Variants in RXFP1 observed in about 807,000 individuals in gnomAD.
RXFP1 encodes relaxin receptor 1.
A neutral mutation model predicts 89.8 loss-of-function variants in RXFP1; 73 were observed. That is an observed-to-expected ratio of 0.81 (90% CI 0.67 to 0.99). The LOEUF is 0.99. Ranked by LOEUF, RXFP1 falls within the 50% of genes least tolerant of loss-of-function variation. RXFP1 has a pLI of 0.00. For missense variants in RXFP1, 793 were observed against 895.5 expected (o/e 0.89, Z 1.46); for synonymous variants, 277 against 305.5 (o/e 0.91, Z 0.97).
At chr4:158,577,428 C>A (rs565817772) in intron 2 of RXFP1, among the ~76,000 whole-genome samples, 31 of 152,196 alleles carry the variant, frequency 2.0e-4, no homozygotes, top group African/African-American at 7.2e-4. Flanking sequence ...AATATGTAAA[C>A]CTCATGCATA....
Position 158,596,020 on chromosome 4 carries a change from T to G in RXFP1, c.286+2521T>G, listed in dbSNP as rs980350382. ...AAAAAAAATTAAAACTTAGCTGTGCTACTCAGGAGCCCAGGAGATTGAAGC... is the reference window on the plus strand; with the variant it reads ...AAAAAAAATTAAAACTTAGCTGTGCGACTCAGGAGCCCAGGAGATTGAAGC... On this transcript the variant is annotated intron_variant, in intron 3 of 17. Transcript: ENST00000307765. 4.6e-5 allele frequency among the ~76,000 whole-genome samples: 7 copies of G among 151,480 alleles called. No homozygotes were observed. In the East Asian group the frequency reaches 9.7e-4, roughly 21 times the overall value.
intron 4 of RXFP1, among the ~76,000 whole-genome samples, chr4:158,603,125 G>C (rs1248142074): frequency 3.3e-5 from 5 of 151,860 alleles, no homozygotes; most frequent in African/African-American, 1.2e-4. Context: ...AGAGATGGCG[G>C]TGGGGGGGCA....
chr4:158,556,580 A>G (rs1261683442), intron 1 of RXFP1, among the ~76,000 whole-genome samples: 1 of 152,208 alleles, frequency 6.6e-6, no homozygotes, highest in African/African-American at 2.4e-5. Flanking sequence ...CAAAGGAAAT[A>G]AAATCAGTAT....
intron 1 of RXFP1, among the ~76,000 whole-genome samples, chr4:158,547,769 T>A (rs913564644): frequency 6.6e-6 from 1 of 152,202 alleles, no homozygotes; most frequent in Non-Finnish European, 1.5e-5. Context: ...TTTGAGTGAG[T>A]TTCTTAGTCC....
rs1455663615 is a variant in RXFP1 at position 158,545,882 on chromosome 4, G to A, written c.49+23857G>A. Reference sequence around the variant, plus strand: ...GTAGTATAGTTTGAAGTCAGGTAGCGTGATGCCTCCAGCTTTGTTCTTTTG... The same window carrying A: ...GTAGTATAGTTTGAAGTCAGGTAGCATGATGCCTCCAGCTTTGTTCTTTTG... On this transcript the variant is annotated intron_variant, in intron 1 of 17. Transcript: ENST00000307765. Among the ~76,000 whole-genome samples the A allele has an allele frequency of 3.4e-4, 51 of 152,152 alleles. 1 individual carries two copies. The highest frequency in any genetic ancestry group is 3.4e-3 in the Middle Eastern group (1 of 294).
chr4:158,550,482 CT>C (rs1273378866), intron 1 of RXFP1, among the ~76,000 whole-genome samples: 6 of 152,214 alleles, frequency 3.9e-5, no homozygotes, highest in South Asian at 2.1e-4. Flanking sequence ...CTGGCACTCC[CT>C]AGTGAGATGA....
chr4:158,611,609 C>G (rs1185698074), intron 6 of RXFP1, among the ~76,000 whole-genome samples: 1 of 152,192 alleles, frequency 6.6e-6, no homozygotes, highest in Non-Finnish European at 1.5e-5. Context: ...CTGTTCTTTG[C>G]TTTGTGAATT....
At chr4:158,524,250 T>A (rs1054777428) in intron 1 of RXFP1, among the ~76,000 whole-genome samples, 2 of 152,136 alleles carry the variant, frequency 1.3e-5, no homozygotes, top group Non-Finnish European at 2.9e-5. Context: ...GAGCCCGTGC[T>A]CTCTCCCCTA....
At chr4:158,619,218 AC>A (rs1470074658) in intron 9 of RXFP1, among the ~76,000 whole-genome samples, 1 of 152,218 alleles carries the variant, frequency 6.6e-6, no homozygotes, top group Non-Finnish European at 1.5e-5. Context: ...TACATATATT[AC>A]ATTTCCATTC....
Position 158,599,434 on chromosome 4 carries a change from A to G in RXFP1, c.392+3A>G. ...GTTTCTTCAAATGTGACTGCAATGT[A>G]AGTAGAAAAGAATTACTTCATCCTG... On this transcript the variant is annotated splice_donor_region_variant and intron_variant, in intron 4 of 17. Transcript: ENST00000307765. 1.9e-6 allele frequency: 3 copies of G among 1,611,614 alleles called. No individual in the cohort carries two copies. The highest frequency in any genetic ancestry group is 2.5e-6 in the Non-Finnish European group (3 of 1,178,298).
At chr4:158,541,426 T>C (rs2149831047) in intron 1 of RXFP1, among the ~76,000 whole-genome samples, 1 of 151,264 alleles carries the variant, frequency 6.6e-6, no homozygotes, top group Non-Finnish European at 1.5e-5. Flanking sequence ...TGTATGAGTA[T>C]ATGCCCAAAT....
intron 1 of RXFP1, among the ~76,000 whole-genome samples, chr4:158,522,409 G>A (rs1389656636): frequency 2.0e-5 from 3 of 152,180 alleles, no homozygotes; most frequent in Non-Finnish European, 4.4e-5. Context: ...TAGTTGTAAT[G>A]CTCTGTCGCC....
At chr4:158,535,571 A>T (rs1745094020) in intron 1 of RXFP1, among the ~76,000 whole-genome samples, 1 of 152,242 alleles carries the variant, frequency 6.6e-6, no homozygotes, top group Non-Finnish European at 1.5e-5. Flanking sequence ...ATCCTTAGAG[A>T]GGGCATGGCC....
rs1171041052 is a variant in RXFP1, at chr4:158,638,049, A to G, written c.1013A>G (p.Gln338Arg). Residue 338 changes from glutamine to arginine, a missense_variant, in exon 13 of 18, where the codon CAA (glutamine) becomes CGA (arginine). Gln to Arg is a conservative substitution (Grantham distance 43, BLOSUM62 1). Coordinates refer to ENST00000307765, the MANE Select transcript of RXFP1 (RefSeq NM_021634.4). ...YNPIQKIQAN[Q>R]FDYLVKLKSL... ...CCAATCCAGAAAATTCAAGCAAACC[A>G]ATTTGATTATCTTGTCAAACTCAAG... 3 of 1,604,660 alleles carry G rather than the reference A, an allele frequency of 1.9e-6. No individual in the cohort carries two copies. The highest frequency in any genetic ancestry group is 2.6e-6 in the Non-Finnish European group (3 of 1,172,462).
chr4:158,558,890 A>G (rs1751876309), intron 1 of RXFP1, among the ~76,000 whole-genome samples: 1 of 152,226 alleles, frequency 6.6e-6, no homozygotes, highest in African/African-American at 2.4e-5. Context: ...GAATCAATCA[A>G]CAATACAACC....
At chr4:158,613,611 C>A (rs4435695) in intron 8 of RXFP1, among the ~76,000 whole-genome samples, 45,811 of 152,154 alleles carry the variant, frequency 0.3, 12,522 homozygotes, top group African/African-American at 0.73. Context: ...ATTCAGTCAC[C>A]TCTTCAGGCT....
intron 6 of RXFP1, 141 bp downstream of exon 6, chr4:158,608,184 C>T: frequency 1.9e-6 from 1 of 529,234 alleles, no homozygotes; most frequent in East Asian, 3.3e-5. Context: ...AGCACCGTGG[C>T]TAAGAGCATA....
intron 5 of RXFP1, 80 bp from the exon 6 acceptor site, chr4:158,607,892 T>C: frequency 1.2e-6 from 1 of 863,326 alleles, no homozygotes; most frequent in Non-Finnish European, 1.9e-6. Context: ...ATCACCATCA[T>C]CCATCCACAG....
intron 1 of RXFP1, among the ~76,000 whole-genome samples, chr4:158,559,531 C>A (rs1751997335): frequency 6.6e-6 from 1 of 152,208 alleles, no homozygotes; most frequent in South Asian, 2.1e-4. Context: ...CAATACTGAG[C>A]TTTTTTCCCC....
Sources: allele counts gnomAD v4.1 joint callset (sites outside exome capture counted in the v4.1 genomes callset), GRCh38; gene constraint gnomAD v4.1.1; transcripts MANE v1.5; gene names NCBI Gene and HGNC (gene_info 2026-07-23, HGNC 2026-07-21).